Variants in BNC2 observed in about 807,000 individuals in gnomAD.
The protein encoded by BNC2 is zinc finger protein basonuclin-2.
In BNC2, 20 loss-of-function variants were observed where a neutral mutation model predicts 76.3. The observed-to-expected ratio is 0.26, with a 90% CI of 0.18 to 0.38. The LOEUF (loss-of-function observed/expected upper bound fraction) is 0.38, where lower values mean the gene tolerates loss of function less well. BNC2 is among the 10% of genes least tolerant of loss of function. BNC2 has a pLI of 1.00. For synonymous variants in BNC2, 582 were observed against 514.8 expected, an observed-to-expected ratio of 1.13 and a Z score of -1.77; for missense variants, 1,382 against 1,399.8, an observed-to-expected ratio of 0.99 and a Z score of 0.20.
At chr9:16,563,595 G>C (rs1174604038) in intron 4 of BNC2, among the ~76,000 whole-genome samples, 1 of 152,160 alleles carries the variant, frequency 6.6e-6, no homozygotes, top group African/African-American at 2.4e-5. Flanking sequence ...AACCAATCAA[G>C]TGCTGTGTAA....
At chr9:16,846,041 G>T (rs1052184372) in intron 1 of BNC2, among the ~76,000 whole-genome samples, 1 of 151,518 alleles carries the variant, frequency 6.6e-6, no homozygotes, top group Admixed American at 6.6e-5. Flanking sequence ...TCCGGAGGCT[G>T]ACGCAGGAGA....
intron 3 of BNC2, among the ~76,000 whole-genome samples, chr9:16,714,545 C>T (rs998853486): frequency 6.6e-6 from 1 of 152,210 alleles, no homozygotes; most frequent in Non-Finnish European, 1.5e-5. Flanking sequence ...TACTCTAACA[C>T]AAACTGTTAA....
chr9:16,779,149 A>AG (rs1439502765), intron 1 of BNC2, among the ~76,000 whole-genome samples: 2 of 147,750 alleles, frequency 1.4e-5, no homozygotes, highest in African/African-American at 2.5e-5. Flanking sequence ...AGAAAAGAAA[A>AG]AAAAACCAGC....
intron 1 of BNC2, among the ~76,000 whole-genome samples, chr9:16,765,581 C>T (rs1207239544): frequency 6.6e-6 from 1 of 152,132 alleles, no homozygotes; most frequent in Middle Eastern, 3.2e-3. Flanking sequence ...CACAGAGTCA[C>T]AGAATCACCA....
intron 5 of BNC2, among the ~76,000 whole-genome samples, chr9:16,520,683 T>C (rs10962472): frequency 0.16 from 23,961 of 152,152 alleles, 2,271 homozygotes; most frequent in East Asian, 0.22. Flanking sequence ...ATCCATATCA[T>C]TCCTGAGTAC....
At chr9:16,672,914 G>A (rs1587299988) in intron 3 of BNC2, among the ~76,000 whole-genome samples, 1 of 152,136 alleles carries the variant, frequency 6.6e-6, no homozygotes, top group East Asian at 1.9e-4. Context: ...CAACTTCACG[G>A]AGTCAAAGGA....
chr9:16,449,239 G>A (rs981686914), intron 5 of BNC2, among the ~76,000 whole-genome samples: 5 of 152,106 alleles, frequency 3.3e-5, no homozygotes, highest in South Asian at 2.1e-4. Flanking sequence ...CCACATTAAC[G>A]GTAGTCATTT....
rs983249233 is a variant in BNC2, at chr9:16,411,321, A to G, written c.*7668T>C. On this transcript the variant is annotated 3_prime_UTR_variant, in exon 7 of 7. Transcript: ENST00000380672. ...ATAGCACTTAGATACTCTCTCTTCA[A>G]GAAATATACTTTCAATACTATCTAC... 1.3e-5 allele frequency: 2 copies of G among 152,642 alleles called. No individual in the cohort carries two copies. Among genetic ancestry groups the G allele is most frequent in the African/African-American group, 2.4e-5 (1 of 41,452 alleles). 9.5% of individuals were successfully genotyped at this position (152,642 alleles called of 1,614,324 possible). A position where few individuals can be genotyped will look rare whatever the true frequency, so the allele number is the denominator to read the frequency against.
intron 4 of BNC2, among the ~76,000 whole-genome samples, chr9:16,580,614 T>C (rs1376905302): frequency 6.6e-6 from 1 of 152,190 alleles, no homozygotes; most frequent in Non-Finnish European, 1.5e-5. Flanking sequence ...ATTACTAATG[T>C]AATATGCACA....
intron 3 of BNC2, among the ~76,000 whole-genome samples, chr9:16,662,255 T>C (rs900031497): frequency 1.3e-5 from 2 of 152,202 alleles, no homozygotes; most frequent in East Asian, 1.9e-4. Flanking sequence ...CTAGAGCATA[T>C]GGCTCAAAAA....
Position 16,418,940 on chromosome 9 carries a change from C to T in BNC2, c.*49G>A, listed in dbSNP as rs201653189. 3.5e-5 allele frequency: 56 copies of T among 1,602,944 alleles called. No homozygotes were observed. Among genetic ancestry groups the T allele is most frequent in the Middle Eastern group, 1.7e-4 (1 of 6,032 alleles). Reference sequence around the variant, plus strand: ...CGCACACTGACTATGGCAGTTCAAACACGTAGGCCATCTGGTGAGAGCTGG... The same window carrying T: ...CGCACACTGACTATGGCAGTTCAAATACGTAGGCCATCTGGTGAGAGCTGG... On this transcript the variant is annotated 3_prime_UTR_variant, in exon 7 of 7. Coordinates refer to ENST00000380672, the MANE Select transcript of BNC2 (RefSeq NM_017637.6).
intron 5 of BNC2, among the ~76,000 whole-genome samples, chr9:16,459,439 G>A (rs1479463479): frequency 6.6e-6 from 1 of 152,146 alleles, no homozygotes; most frequent in East Asian, 1.9e-4. Context: ...ATTTTACTGA[G>A]GGTGGTGGGT....
intron 3 of BNC2, among the ~76,000 whole-genome samples, chr9:16,691,991 AGT>A (rs1290598420): frequency 2.0e-5 from 3 of 151,150 alleles, no homozygotes; most frequent in Non-Finnish European, 4.4e-5. Context: ...TTGTACTTTT[AGT>A]AGAGATGGGG....
At chr9:16,676,967 A>G (rs1396797943) in intron 3 of BNC2, among the ~76,000 whole-genome samples, 1 of 152,250 alleles carries the variant, frequency 6.6e-6, no homozygotes, top group Non-Finnish European at 1.5e-5. Flanking sequence ...AAACATAGTT[A>G]TCTTGTTCCA....
At chr9:16,541,225 T>C (rs981617611) in intron 5 of BNC2, among the ~76,000 whole-genome samples, 1 of 152,118 alleles carries the variant, frequency 6.6e-6, no homozygotes, top group Non-Finnish European at 1.5e-5. Context: ...AGAGAATCAA[T>C]GGACAGAGGC....
intron 1 of BNC2, among the ~76,000 whole-genome samples, chr9:16,827,861 C>A (rs1818489457): frequency 6.6e-6 from 1 of 152,140 alleles, no homozygotes; most frequent in South Asian, 2.1e-4. Context: ...TGATTAATGG[C>A]AACATGTATT....
chr9:16,728,128 C>A, intron 2 of BNC2, 131 bp from the exon 3 acceptor site: 1 of 754,374 alleles, frequency 1.3e-6, no homozygotes, highest in South Asian at 1.4e-5. Context: ...GGGGTCAGAG[C>A]TTCTTTCGCA....
intron 5 of BNC2, among the ~76,000 whole-genome samples, chr9:16,500,267 T>G (rs957755301): frequency 1.3e-5 from 2 of 151,820 alleles, no homozygotes; most frequent in African/African-American, 2.4e-5. Context: ...CTGCTCCAGT[T>G]TTTAGTAACC....
At chr9:16,722,637 G>A (rs1352839091) in intron 3 of BNC2, among the ~76,000 whole-genome samples, 5 of 152,068 alleles carry the variant, frequency 3.3e-5, no homozygotes, top group East Asian at 1.9e-4. Flanking sequence ...ATTTCAAAAC[G>A]ATCACCTACT....
Sources: allele counts gnomAD v4.1 joint callset (sites outside exome capture counted in the v4.1 genomes callset), GRCh38; gene constraint gnomAD v4.1.1; transcripts MANE v1.5; gene names NCBI Gene and HGNC (gene_info 2026-07-23, HGNC 2026-07-21).